KIF20B: variants seen among roughly 807,000 people sequenced by gnomAD.
The protein encoded by KIF20B is kinesin-like protein KIF20B.
A neutral mutation model predicts 232.5 loss-of-function variants in KIF20B; 188 were observed. The ratio of observed to expected loss-of-function variants is 0.81; its 90% CI spans 0.72 to 0.91. KIF20B has a LOEUF of 0.91. Among genes scored for constraint, KIF20B ranks in the 40% least tolerant of loss-of-function variants. The pLI is 0.00. For synonymous variants in KIF20B, 712 were observed against 683.0 expected (o/e 1.04, Z -0.66); for missense variants, 2,154 against 2,055.9 (o/e 1.05, Z -0.92).
In KIF20B at chr10:89,774,719, A is replaced by G. The variant is rs1014685880; in HGVS notation, c.*671A>G. 1.3e-5 allele frequency: 2 copies of G among 152,008 alleles called. No homozygotes were observed. Among genetic ancestry groups the G allele is most frequent in the Non-Finnish European group, 2.9e-5 (2 of 67,936 alleles). The allele number at this position is 152,008 out of a possible 1,614,324, so 9.4% of individuals were successfully genotyped here. A position where few individuals can be genotyped will look rare whatever the true frequency, so the allele number is the denominator to read the frequency against. ...CATTCTTTAGATCATTTAAAAATAT[A>G]CAAGTAAGTTATTATTGATTATAGT... On this transcript the variant is annotated 3_prime_UTR_variant, in exon 33 of 33. Transcript: ENST00000371728.
chr10:89,734,397 G>A (rs1467714602), intron 19 of KIF20B, among the ~76,000 whole-genome samples: 1 of 152,052 alleles, frequency 6.6e-6, no homozygotes, highest in South Asian at 2.1e-4. Context: ...GGCAACAAGA[G>A]TGAAACTGTG....
chr10:89,740,721 C>T lies in KIF20B; in HGVS notation c.3915+1625C>T, dbSNP rs577035255. 5.1e-4 allele frequency among the ~76,000 whole-genome samples: 77 copies of T among 152,246 alleles called. 2 individuals carry two copies. The South Asian group carries it at 0.011, about 21-fold the overall frequency. ...TGTCACCCAATCTGGAGTGCAGTGG[C>T]GTGATCATAGCTCACTGTAACTTTG... On this transcript the variant is annotated intron_variant, in intron 21 of 32. Transcript: ENST00000371728.
chr10:89,759,350 A>G (rs1342295131), intron 27 of KIF20B, among the ~76,000 whole-genome samples: 1 of 152,110 alleles, frequency 6.6e-6, no homozygotes, highest in Non-Finnish European at 1.5e-5. Context: ...CTTTTATATT[A>G]CCTTGAGACT....
chr10:89,726,376 T>A lies in KIF20B; in HGVS notation c.2085T>A (p.Ile695=), dbSNP rs367873635. The A allele has an allele frequency of 2.3e-5, 36 of 1,566,414 alleles. No homozygotes were observed. In the African/African-American group the frequency reaches 4.4e-4, roughly 19 times the overall value. ...CTGATATTAAGAAACAGGCTGAAAT[T>A]GCTCACTTATATATTGCATCTCTTC... The part of the protein sequence containing the change: ...NVADIKKQAE[I]AHLYIASLPD... The change falls in exon 16 of 33, where the codon ATT becomes ATA. Residue 695 remains isoleucine (I), a synonymous_variant. Coordinates refer to ENST00000371728, the MANE Select transcript of KIF20B (RefSeq NM_001284259.2).
In KIF20B at chr10:89,715,197, A is replaced by ATTT; in HGVS notation, c.940+18_940+20dup. On this transcript the variant is annotated intron_variant, in intron 8 of 32. Transcript: ENST00000371728. Reference sequence around the variant, plus strand: ...TTTTATAAAAGGTATACTAATGAATATTTTTATCTTATTGCTCTGAAGTTC... The same window carrying ATTT: ...TTTTATAAAAGGTATACTAATGAATATTTTTTTTATCTTATTGCTCTGAAGTTC... 1 of 1,482,164 alleles carries ATTT rather than the reference A, an allele frequency of 6.7e-7. No individual in the cohort carries two copies. Among genetic ancestry groups the ATTT allele is most frequent in the Non-Finnish European group, 9.3e-7 (1 of 1,073,524 alleles). The allele number at this position is 1,482,164 out of a possible 1,614,324, so 91.8% of individuals were successfully genotyped here.
At chr10:89,722,395 C>T (rs1221363879) in intron 13 of KIF20B, among the ~76,000 whole-genome samples, 4 of 152,260 alleles carry the variant, frequency 2.6e-5, no homozygotes, top group East Asian at 1.9e-4. Flanking sequence ...TCCCGCCAGG[C>T]GCGGTGGCTC....
intron 22 of KIF20B, 84 bp downstream of exon 22, chr10:89,744,011 A>G: frequency 8.8e-7 from 1 of 1,135,268 alleles, no homozygotes; most frequent in Non-Finnish European, 1.2e-6. Context: ...TTTGTTTTTA[A>G]TAACATCCTG....
chr10:89,718,565 G>T, intron 11 of KIF20B, 145 bp from the exon 12 acceptor site: 2 of 639,972 alleles, frequency 3.1e-6, no homozygotes, highest in Admixed American at 3.1e-5. Flanking sequence ...AAACTGAGAA[G>T]GACTATTACA....
intron 26 of KIF20B, 73 bp from the exon 27 acceptor site, chr10:89,758,630 TATA>T (rs1842179893): frequency 1.0e-6 from 1 of 998,266 alleles, no homozygotes; most frequent in Non-Finnish European, 1.4e-6. Flanking sequence ...TGGTGTTACA[TATA>T]ATAATTTCTA....
At chr10:89,725,465 A>G (rs1016087994) in intron 15 of KIF20B, among the ~76,000 whole-genome samples, 1 of 152,188 alleles carries the variant, frequency 6.6e-6, no homozygotes, top group Non-Finnish European at 1.5e-5. Flanking sequence ...ATTTTTAAAT[A>G]AAAAGAATTT....
chr10:89,745,365 A>G (rs1841886973), intron 22 of KIF20B, among the ~76,000 whole-genome samples: 1 of 152,128 alleles, frequency 6.6e-6, no homozygotes, highest in Admixed American at 6.5e-5. Flanking sequence ...TCTACTAAAA[A>G]TACAAAAATT....
At chr10:89,748,048 C>T (rs543191628) in intron 23 of KIF20B, among the ~76,000 whole-genome samples, 2 of 152,304 alleles carry the variant, frequency 1.3e-5, no homozygotes, top group South Asian at 2.1e-4. Flanking sequence ...TCGCTCTTGT[C>T]ATCCAGGCTG....
At chr10:89,772,961 CAT>C (rs1842495803) in intron 32 of KIF20B, 130 bp downstream of exon 32, 3 of 685,544 alleles carry the variant, frequency 4.4e-6, no homozygotes, top group Non-Finnish European at 7.0e-6. Context: ...TTTAGTCTCA[CAT>C]GTGTTAAGTT....
chr10:89,757,162 A>AC (rs1354011733), intron 26 of KIF20B, among the ~76,000 whole-genome samples: 1 of 151,120 alleles, frequency 6.6e-6, no homozygotes, highest in Non-Finnish European at 1.5e-5. Context: ...ACCCATTTAT[A>AC]CCCCAACTAG....
chr10:89,732,816 TG>T, intron 18 of KIF20B, 86 bp from the exon 19 acceptor site: 1 of 1,163,730 alleles, frequency 8.6e-7, no homozygotes. Flanking sequence ...AAAATTTTTA[TG>T]GTACACCATT....
chr10:89,758,720 C>T lies in KIF20B; in HGVS notation c.4518C>T (p.Ala1506=). ...TTCCTGATTAGGAAATACTGACAGC[C>T]CAGCTGACAGAGAAAGATAGTGACC... is the stretch of plus-strand genomic sequence containing the variant. ...KQQNEMEILT[A]QLTEKDSDLQ... is the part of the protein sequence containing the mutation. Residue 1506 remains alanine (A), a synonymous_variant, in exon 27 of 33, where the codon GCC becomes GCT. Transcript: ENST00000371728. The T allele has an allele frequency of 1.9e-6, 3 of 1,585,372 alleles. No individual in the cohort carries two copies. The highest frequency in any genetic ancestry group is 2.4e-5 in the South Asian group (2 of 84,950).
intron 26 of KIF20B, 99 bp downstream of exon 26, chr10:89,754,772 G>T: frequency 2.0e-6 from 2 of 1,024,884 alleles, no homozygotes; most frequent in Non-Finnish European, 2.7e-6. Context: ...TTCTGTTTTT[G>T]GTTTTTTAAA....
At chr10:89,753,796 T>G (rs1217043172) in intron 25 of KIF20B, among the ~76,000 whole-genome samples, 1 of 152,034 alleles carries the variant, frequency 6.6e-6, no homozygotes, top group Non-Finnish European at 1.5e-5. Context: ...AATTTTTTTG[T>G]ATTAGTAGAG....
intron 13 of KIF20B, 48 bp from the exon 14 acceptor site, chr10:89,723,916 G>T: frequency 1.5e-6 from 2 of 1,298,680 alleles, no homozygotes; most frequent in Non-Finnish European, 2.0e-6. Context: ...TATTTCTCTT[G>T]GGATATATTT....
Sources: allele counts gnomAD v4.1 joint callset (sites outside exome capture counted in the v4.1 genomes callset), GRCh38; gene constraint gnomAD v4.1.1; transcripts MANE v1.5; gene names NCBI Gene and HGNC (gene_info 2026-07-23, HGNC 2026-07-21).